Variants in BANK1 observed in about 807,000 individuals in gnomAD.
The protein encoded by BANK1 is B cell scaffold protein with ankyrin repeats 1, also known as B-cell scaffold protein with ankyrin repeats.
BANK1 carries 95 observed loss-of-function variants against 94.5 expected under a neutral mutation model. The ratio of observed to expected loss-of-function variants is 1.00; its 90% CI spans 0.85 to 1.19. The LOEUF (loss-of-function observed/expected upper bound fraction) is 1.19. BANK1 is among the 50% of genes most tolerant of loss of function. The pLI, the probability that BANK1 is intolerant of heterozygous loss-of-function variation, is 0.00. For synonymous variants in BANK1, 334 were observed against 308.4 expected, an observed-to-expected ratio of 1.08 and a Z score of -0.87; for missense variants, 987 against 932.2, an observed-to-expected ratio of 1.06 and a Z score of -0.77.
intron 15 of BANK1, among the ~76,000 whole-genome samples, chr4:102,073,472 A>G (rs1381301426): frequency 6.6e-6 from 1 of 152,040 alleles, no homozygotes; most frequent in Non-Finnish European, 1.5e-5. Flanking sequence ...TGCAAAATGG[A>G]AAGAAAATTT....
intron 9 of BANK1, among the ~76,000 whole-genome samples, chr4:102,029,058 G>A (rs1293647739): frequency 6.6e-6 from 1 of 152,008 alleles, no homozygotes; most frequent in Non-Finnish European, 1.5e-5. Context: ...AGGAGTACTC[G>A]CCACCTAGCT....
At chr4:101,909,391 G>A (rs181503237) in intron 6 of BANK1, among the ~76,000 whole-genome samples, 49 of 152,288 alleles carry the variant, frequency 3.2e-4, no homozygotes, top group East Asian at 9.7e-4. Context: ...GGGGCCTGTC[G>A]TGGGGTGGGG....
chr4:102,013,844 TAAA>T (rs1170269501), intron 7 of BANK1, among the ~76,000 whole-genome samples: 1 of 152,082 alleles, frequency 6.6e-6, no homozygotes, highest in Non-Finnish European at 1.5e-5. Flanking sequence ...TAGGGCAACA[TAAA>T]AATTATTTTT....
intron 3 of BANK1, among the ~76,000 whole-genome samples, chr4:101,860,026 G>A (rs1022825098): frequency 1.3e-5 from 2 of 152,146 alleles, no homozygotes; most frequent in Admixed American, 6.5e-5. Context: ...AAAACTCTTT[G>A]TGAGCTGAAG....
At chr4:101,822,167 C>T (rs1185397176) in intron 1 of BANK1, among the ~76,000 whole-genome samples, 1 of 151,838 alleles carries the variant, frequency 6.6e-6, no homozygotes, top group African/African-American at 2.4e-5. Flanking sequence ...CCAGTCTGGT[C>T]AACATGGGGA....
At chr4:102,055,860 T>C (rs1378355976) in intron 11 of BANK1, among the ~76,000 whole-genome samples, 2 of 152,152 alleles carry the variant, frequency 1.3e-5, no homozygotes, top group African/African-American at 4.8e-5. Flanking sequence ...AATTTACTTT[T>C]CCTTTAGGGA....
intron 7 of BANK1, among the ~76,000 whole-genome samples, chr4:101,921,867 A>T (rs1723008483): frequency 6.6e-6 from 1 of 151,928 alleles, no homozygotes; most frequent in African/African-American, 2.4e-5. Context: ...TCAGCTTTCC[A>T]TGCACATTCT....
In BANK1 at chr4:101,830,144, A is replaced by T; in HGVS notation, c.407A>T (p.Glu136Val). Residue 136 changes from glutamate (E) to valine (V), a missense_variant, in exon 2 of 17, where the codon GAG (glutamate) becomes GTG (valine). Physicochemically the swap from Glu to Val is moderately radical, Grantham distance 121. Coordinates refer to ENST00000322953, the MANE Select transcript of BANK1 (RefSeq NM_017935.5). Reference protein sequence around the residue: ...ELLNISQSRWEISTEQEPEDY... With the variant: ...ELLNISQSRWVISTEQEPEDY... ...CTAAATATCTCTCAAAGCAGATGGG[A>T]GATCTCAACTGAACAGGAACCTGAA... is the stretch of plus-strand genomic sequence containing the variant. The T allele has an allele frequency of 6.2e-7, 1 of 1,607,938 alleles. No homozygotes were observed. The highest frequency in any genetic ancestry group is 8.5e-7 in the Non-Finnish European group (1 of 1,178,094).
At chr4:101,881,684 G>A in intron 5 of BANK1, among the ~76,000 whole-genome samples, 1 of 152,156 alleles carries the variant, frequency 6.6e-6, no homozygotes, top group East Asian at 1.9e-4. Flanking sequence ...ATCAACAAAT[G>A]AATGGATAAA....
intron 2 of BANK1, among the ~76,000 whole-genome samples, chr4:101,849,424 G>A (rs1429155674): frequency 6.6e-6 from 1 of 152,062 alleles, no homozygotes; most frequent in Non-Finnish European, 1.5e-5. Flanking sequence ...AGGCCAACCT[G>A]AATGCCCAAT....
At chr4:101,830,276 G>GT (rs35352058) in intron 2 of BANK1, 70 bp downstream of exon 2, 93,364 of 1,314,048 alleles carry the variant, frequency 0.071, 4,170 homozygotes, top group Admixed American at 0.21. Context: ...AGAATTGCAA[G>GT]TTGTTTTAGA....
At chr4:101,925,841 CACTT>C (rs1723135444) in intron 7 of BANK1, among the ~76,000 whole-genome samples, 1 of 151,602 alleles carries the variant, frequency 6.6e-6, no homozygotes, top group African/African-American at 2.4e-5. Flanking sequence ...CTAGAGCTCT[CACTT>C]ACATGCCTGC....
In BANK1 at chr4:102,072,405, G is replaced by C. The variant is rs532720285; in HGVS notation, c.2298+5G>C. 6.3e-7 allele frequency: 1 copy of C among 1,577,772 alleles called. No homozygotes were observed. Among genetic ancestry groups the C allele is most frequent in the Non-Finnish European group, 8.7e-7 (1 of 1,151,644 alleles). On this transcript the variant is annotated splice_donor_5th_base_variant and intron_variant, in intron 15 of 16. Transcript: ENST00000322953. ...AATGTACACTTCAGCAATAAGGTAG[G>C]TTGTATTTATTTTGATTTCTATAAA... is the stretch of plus-strand genomic sequence containing the variant.
At chr4:101,861,679 G>A (rs1727882279) in intron 3 of BANK1, among the ~76,000 whole-genome samples, 1 of 151,924 alleles carries the variant, frequency 6.6e-6, no homozygotes, top group Non-Finnish European at 1.5e-5. Context: ...GTATGTGTGT[G>A]TGTGTGTGTT....
At chr4:101,985,725 T>C (rs540221340) in intron 7 of BANK1, among the ~76,000 whole-genome samples, 3 of 151,976 alleles carry the variant, frequency 2.0e-5, no homozygotes, top group African/African-American at 7.2e-5. Flanking sequence ...TAAACTTTCT[T>C]CCAAAATGAA....
At chr4:101,995,690 G>A (rs1725854232) in intron 7 of BANK1, among the ~76,000 whole-genome samples, 1 of 152,120 alleles carries the variant, frequency 6.6e-6, no homozygotes, top group Non-Finnish European at 1.5e-5. Context: ...TTTCTCTAAT[G>A]ACCAGTGATG....
chr4:102,020,255 T>TA (rs1294540482), intron 7 of BANK1, among the ~76,000 whole-genome samples: 6 of 152,020 alleles, frequency 3.9e-5, no homozygotes, highest in Non-Finnish European at 8.8e-5. Flanking sequence ...ATGAAATATA[T>TA]AGGTGAAGCT....
At chr4:101,879,859 A>G (rs772393235) in intron 5 of BANK1, among the ~76,000 whole-genome samples, 1 of 152,140 alleles carries the variant, frequency 6.6e-6, no homozygotes, top group Non-Finnish European at 1.5e-5. Context: ...ATTTCAATTG[A>G]TGCTGAAAAA....
At chr4:101,839,488 C>A (rs1224620824) in intron 2 of BANK1, among the ~76,000 whole-genome samples, 1 of 152,120 alleles carries the variant, frequency 6.6e-6, no homozygotes, top group Non-Finnish European at 1.5e-5. Context: ...GTAAGTAATG[C>A]TCGTCAATCC....
Sources: gnomAD v4.1 joint callset for allele counts (sites outside exome capture counted in the v4.1 genomes callset) on GRCh38, gnomAD v4.1.1 for gene constraint, MANE v1.5 for transcripts, NCBI Gene and HGNC (gene_info 2026-07-23, HGNC 2026-07-21) for gene names.